Variants in TRHR observed in about 807,000 individuals in gnomAD.
The protein encoded by TRHR is thyrotropin-releasing hormone receptor.
Under a neutral mutation model 28.0 loss-of-function variants are expected in TRHR, and 14 were observed. The ratio of observed to expected loss-of-function variants is 0.50; its 90% CI spans 0.33 to 0.78. The LOEUF (loss-of-function observed/expected upper bound fraction) is 0.78. Among genes scored for constraint, TRHR ranks in the 30% least tolerant of loss-of-function variants. TRHR has a pLI of 0.02. For missense variants in TRHR, 438 were observed against 469.5 expected, an observed-to-expected ratio of 0.93 and a Z score of 0.62; for synonymous variants, 176 against 171.9, an observed-to-expected ratio of 1.02 and a Z score of -0.18.
In TRHR at chr8:109,088,264, A is replaced by G; in HGVS notation, c.752A>G (p.Asn251Ser). Residue 251 changes from asparagine to serine, a missense_variant, in exon 2 of 3, where the codon AAT becomes AGT. Coordinates refer to ENST00000518632, the MANE Select transcript of TRHR (RefSeq NM_003301.7). ...ACAAATCTGAATGTAAATACCTCTAATAGATGTTTCAACAGCACAGTATCT... is the reference window on the plus strand; with the variant it reads ...ACAAATCTGAATGTAAATACCTCTAGTAGATGTTTCAACAGCACAGTATCT... ...QNTNLNVNTS[N>S]RCFNSTVSSR... The G allele has an allele frequency of 6.2e-7, 1 of 1,614,054 alleles. No individual in the cohort carries two copies. Among genetic ancestry groups the G allele is most frequent in the Non-Finnish European group, 8.5e-7 (1 of 1,180,016 alleles).
chr8:109,102,910 C>T (rs1203331076), intron 2 of TRHR, among the ~76,000 whole-genome samples: 1 of 152,148 alleles, frequency 6.6e-6, no homozygotes, highest in African/African-American at 2.4e-5. Flanking sequence ...CAGTAGCTAG[C>T]TGGCATGGTC....
chr8:109,097,482 A>G (rs570158088), intron 2 of TRHR, among the ~76,000 whole-genome samples: 3 of 152,298 alleles, frequency 2.0e-5, no homozygotes, highest in African/African-American at 7.2e-5. Flanking sequence ...TATTGTCTAA[A>G]AAGAACCAAT....
Position 109,119,729 on chromosome 8 carries a change from C to G in TRHR, c.*274C>G. On this transcript the variant is annotated 3_prime_UTR_variant, in exon 3 of 3. Coordinates refer to ENST00000518632, the MANE Select transcript of TRHR (RefSeq NM_003301.7). ...CCCTTTTCATTTAACTTAAGAAATT[C>G]ACTATATTTTCTGGACTTATAGAGT... The G allele has an allele frequency of 2.6e-6, 1 of 391,372 alleles. No individual in the cohort carries two copies. Among genetic ancestry groups the G allele is most frequent in the Non-Finnish European group, 4.6e-6 (1 of 217,298 alleles). The allele number at this position is 391,372 out of a possible 1,614,324, so 24.2% of individuals were successfully genotyped here.
chr8:109,087,282 AAAG>A lies in TRHR; in HGVS notation c.-88-139_-88-137del, dbSNP rs1586182515. 3 of 591,708 alleles carry A rather than the reference AAAG, an allele frequency of 5.1e-6. No individual in the cohort carries two copies. The East Asian group carries it at 8.6e-5, about 17-fold the overall frequency. 36.7% of individuals were successfully genotyped at this position (591,708 alleles called of 1,614,324 possible). A position where few individuals can be genotyped will look rare whatever the true frequency, so the allele number is the denominator to read the frequency against. ...TCCATTCTACACTAGAGATGCAATA[AAAG>A]AAGTTTTAAGAAGTACACATGAGCC... On this transcript the variant is annotated intron_variant, in intron 1 of 2. Transcript: ENST00000518632.
chr8:109,116,969 G>T (rs1811931736), intron 2 of TRHR, among the ~76,000 whole-genome samples: 1 of 151,996 alleles, frequency 6.6e-6, no homozygotes, highest in Non-Finnish European at 1.5e-5. Context: ...GAAACAGGTT[G>T]CTCTTCTCCA....
intron 2 of TRHR, among the ~76,000 whole-genome samples, chr8:109,110,203 G>A (rs1207968244): frequency 6.6e-6 from 1 of 152,058 alleles, no homozygotes; most frequent in East Asian, 1.9e-4. Context: ...TTCACTGGAT[G>A]TGCCACACTT....
chr8:109,121,033 G>A lies in TRHR; in HGVS notation c.*1578G>A, dbSNP rs185561192. ...CCATTCTTCTGAAACTTGTTTTTACGTGCTGTTTCATGGAGACTATGCTAT... is the reference window on the plus strand; with the variant it reads ...CCATTCTTCTGAAACTTGTTTTTACATGCTGTTTCATGGAGACTATGCTAT... On this transcript the variant is annotated 3_prime_UTR_variant, in exon 3 of 3. Transcript: ENST00000518632. Among the ~76,000 whole-genome samples the A allele has an allele frequency of 4.0e-5, 6 of 149,308 alleles. No homozygotes were observed. In the East Asian group the frequency reaches 7.9e-4, roughly 20 times the overall value.
chr8:109,094,316 A>G (rs985648962), intron 2 of TRHR, among the ~76,000 whole-genome samples: 2 of 151,818 alleles, frequency 1.3e-5, no homozygotes, highest in Non-Finnish European at 2.9e-5. Flanking sequence ...CAGTGGTGCA[A>G]TCATAGCTTA....
chr8:109,094,683 G>T (rs1408613247), intron 2 of TRHR, among the ~76,000 whole-genome samples: 2 of 150,992 alleles, frequency 1.3e-5, no homozygotes, highest in Admixed American at 6.6e-5. Context: ...AGTACACATT[G>T]TTTATTCCTA....
At chr8:109,095,836 C>A (rs1326590156) in intron 2 of TRHR, among the ~76,000 whole-genome samples, 2 of 151,672 alleles carry the variant, frequency 1.3e-5, no homozygotes, top group African/African-American at 4.8e-5. Flanking sequence ...TATCCCCCCG[C>A]CCCCCATAGC....
At chr8:109,108,236 C>A (rs1401407130) in intron 2 of TRHR, among the ~76,000 whole-genome samples, 4 of 152,152 alleles carry the variant, frequency 2.6e-5, no homozygotes, top group Non-Finnish European at 4.4e-5. Context: ...GAGAATTTTA[C>A]TTCTATTTAA....
In TRHR at chr8:109,119,069, G is replaced by A; in HGVS notation, c.811G>A (p.Val271Ile). Residue 271 changes from valine to isoleucine, a missense_variant, in exon 3 of 3, where the codon GTT becomes ATT. Transcript: ENST00000518632. ...RKQVTKMLAV[V>I]VILFALLWMP... ...CTAGGTCACCAAGATGCTGGCAGTG[G>A]TTGTAATTCTGTTTGCCCTTTTATG... 6.2e-7 allele frequency: 1 copy of A among 1,612,636 alleles called. No individual in the cohort carries two copies. The highest frequency in any genetic ancestry group is 1.1e-5 in the South Asian group (1 of 91,054).
chr8:109,102,268 T>C (rs1811688856), intron 2 of TRHR, among the ~76,000 whole-genome samples: 1 of 152,182 alleles, frequency 6.6e-6, no homozygotes, highest in African/African-American at 2.4e-5. Flanking sequence ...AAGAAATCTA[T>C]GTCTGTTTAA....
chr8:109,119,559 T>C lies in TRHR; in HGVS notation c.*104T>C. 8.8e-6 allele frequency: 12 copies of C among 1,362,374 alleles called. No individual in the cohort carries two copies. In the South Asian group the frequency reaches 1.5e-4, roughly 17 times the overall value. 84.4% of individuals were successfully genotyped at this position (1,362,374 alleles called of 1,614,324 possible). A position where few individuals can be genotyped will look rare whatever the true frequency, so the allele number is the denominator to read the frequency against. ...TAGTCATATGTGAAGACAGAGCAGA[T>C]CAGTCTTTGTCAATGCTCTAACAAA... On this transcript the variant is annotated 3_prime_UTR_variant, in exon 3 of 3. Transcript: ENST00000518632.
chr8:109,094,799 T>C (rs1174371812), intron 2 of TRHR, among the ~76,000 whole-genome samples: 1 of 151,966 alleles, frequency 6.6e-6, no homozygotes. Flanking sequence ...TTATTCCATA[T>C]GCCTACAAAA....
chr8:109,119,342 C>T lies in TRHR; in HGVS notation c.1084C>T (p.His362Tyr). The T allele has an allele frequency of 6.2e-7, 1 of 1,612,204 alleles. No individual in the cohort carries two copies. The highest frequency in any genetic ancestry group is 2.2e-5 in the East Asian group (1 of 44,792). Residue 362 changes from histidine (H) to tyrosine (Y), a missense_variant, in exon 3 of 3, where the codon CAT (histidine) becomes TAT (tyrosine). Transcript: ENST00000518632. Reference sequence around the variant, plus strand: ...TTACAGCGTCATCAAGGAGTCAGACCATTTCAGCACAGAGCTTGATGATAT... The same window carrying T: ...TTACAGCGTCATCAAGGAGTCAGACTATTTCAGCACAGAGCTTGATGATAT... The part of the protein sequence containing the change: ...LNYSVIKESD[H>Y]FSTELDDITV...
chr8:109,087,813 A>G lies in TRHR; in HGVS notation c.301A>G (p.Ile101Val), dbSNP rs376832262. 29 of 1,614,068 alleles carry G rather than the reference A, an allele frequency of 1.8e-5. No homozygotes were observed. The highest frequency in any genetic ancestry group is 2.2e-5 in the Non-Finnish European group (26 of 1,180,052). The change falls in exon 2 of 3, where the codon ATT (isoleucine) becomes GTT (valine). Residue 101 changes from isoleucine to valine, a missense_variant. Coordinates refer to ENST00000518632, the MANE Select transcript of TRHR (RefSeq NM_003301.7). The part of the protein sequence containing the change: ...WVYGYVGCLC[I>V]TYLQYLGINA... The stretch of plus-strand genomic sequence containing the variant: ...CTATGGCTATGTTGGATGCCTCTGC[A>G]TTACTTACCTCCAGTATTTGGGAAT...
At chr8:109,101,851 G>T (rs897330179) in intron 2 of TRHR, among the ~76,000 whole-genome samples, 2 of 152,136 alleles carry the variant, frequency 1.3e-5, no homozygotes, top group African/African-American at 4.8e-5. Flanking sequence ...ATCACTACAG[G>T]AAATTTTGTA....
rs1270751200 is a variant in TRHR at position 109,115,046 on chromosome 8, C to T, written c.790-4002C>T. 2.0e-5 allele frequency among the ~76,000 whole-genome samples: 3 copies of T among 151,992 alleles called. No individual in the cohort carries two copies. The East Asian group carries it at 5.8e-4, about 29-fold the overall frequency. On this transcript the variant is annotated intron_variant, in intron 2 of 2. Coordinates refer to ENST00000518632, the MANE Select transcript of TRHR (RefSeq NM_003301.7). ...TGCTATTTCTCAAGGACCTTTAAAT[C>T]TTAGGGCAGAGGCTGACGTAAAGAA...
Sources: gnomAD v4.1 joint callset for allele counts (sites outside exome capture counted in the v4.1 genomes callset) on GRCh38, gnomAD v4.1.1 for gene constraint, MANE v1.5 for transcripts, NCBI Gene and HGNC (gene_info 2026-07-23, HGNC 2026-07-21) for gene names.